RAPGEF6: variants seen among roughly 807,000 people sequenced by gnomAD.
RAPGEF6 encodes PDZ domain containing guanine nucleotide exchange factor (GEF) 2.
Under a neutral mutation model 171.4 loss-of-function variants are expected in RAPGEF6, and 56 were observed. That is an observed-to-expected ratio of 0.33 (90% CI 0.26 to 0.41). The LOEUF (loss-of-function observed/expected upper bound fraction) is 0.41. Among genes scored for constraint, RAPGEF6 ranks in the 10% least tolerant of loss-of-function variants. The probability of loss-of-function intolerance (pLI) is 1.00; values close to 1 mark genes in which losing one functional copy is unlikely to be tolerated. For synonymous variants in RAPGEF6, 692 were observed against 650.1 expected, an observed-to-expected ratio of 1.06 and a Z score of -0.98; for missense variants, 1,674 against 1,921.4, an observed-to-expected ratio of 0.87 and a Z score of 2.41.
chr5:131,583,444 C>T (rs555263331), intron 4 of RAPGEF6, among the ~76,000 whole-genome samples: 72 of 152,336 alleles, frequency 4.7e-4, no homozygotes, highest in Middle Eastern at 3.4e-3. Context: ...AACAATGTCA[C>T]TGAACAGGTC....
intron 5 of RAPGEF6, among the ~76,000 whole-genome samples, chr5:131,548,901 CA>C (rs1760725057): frequency 6.6e-6 from 1 of 151,712 alleles, no homozygotes; most frequent in Non-Finnish European, 1.5e-5. Flanking sequence ...CCCATTTCTA[CA>C]GGGGGAAAAA....
Position 131,442,423 on chromosome 5 carries a change from C to T in RAPGEF6, c.3536G>A (p.Ser1179Asn), listed in dbSNP as rs779419140. Residue 1179 changes from serine to asparagine, a missense_variant, in exon 23 of 28, where the codon AGC becomes AAC. Ser to Asn is a conservative substitution (Grantham distance 46, BLOSUM62 1). This residue lies in a region of RAPGEF6 where 552 missense variants were observed against 574.2 expected (regional missense o/e 0.96). Transcript: ENST00000509018. Reference protein sequence around the residue: ...KAHLHQPHRVSQVLQVPAVNL... With the variant: ...KAHLHQPHRVNQVLQVPAVNL... Reference sequence around the variant, plus strand: ...AACAGCTGGCACCTGAAGCACCTGGCTTACTCTGTGGGGTTGATGCAAGTG... The same window carrying T: ...AACAGCTGGCACCTGAAGCACCTGGTTTACTCTGTGGGGTTGATGCAAGTG... 3 of 1,614,028 alleles carry T rather than the reference C, an allele frequency of 1.9e-6. No homozygotes were observed. In the Admixed American group the frequency reaches 5.0e-5, roughly 27 times the overall value.
intron 1 of RAPGEF6, 70 bp from the exon 2 acceptor site, chr5:131,604,763 T>C: frequency 6.7e-7 from 1 of 1,492,442 alleles, no homozygotes; most frequent in Non-Finnish European, 8.9e-7. Context: ...CACCCCACAA[T>C]TCTGATTTTA....
intron 5 of RAPGEF6, among the ~76,000 whole-genome samples, chr5:131,556,111 AC>A (rs1411222625): frequency 6.6e-6 from 1 of 151,802 alleles, no homozygotes; most frequent in African/African-American, 2.4e-5. Context: ...ATCAGTCATA[AC>A]CAGCAGTGCA....
At chr5:131,515,185 G>A (rs1304235626) in intron 7 of RAPGEF6, among the ~76,000 whole-genome samples, 2 of 152,148 alleles carry the variant, frequency 1.3e-5, no homozygotes, top group Admixed American at 1.3e-4. Flanking sequence ...CAAATTTAGG[G>A]CAAGTGTTAA....
At position 131,548,152 on chromosome 5, in the gene RAPGEF6, T is replaced by C. The variant is rs763262167; in HGVS notation, c.390A>G (p.Gln130=). The C allele has an allele frequency of 6.2e-7, 1 of 1,614,010 alleles. No homozygotes were observed. The highest frequency in any genetic ancestry group is 8.5e-7 in the Non-Finnish European group (1 of 1,179,946). Residue 130 remains glutamine (Q), a synonymous_variant, in exon 6 of 28, where the codon CAA becomes CAG. Coordinates refer to ENST00000509018, the MANE Select transcript of RAPGEF6 (RefSeq NM_016340.6). ...GGGATTGTCTGGCAGGAATTTCTCT[T>C]TGTAGAATACTATCTTCATTATCTT... The part of the protein sequence containing the change: ...NAKDNEDSIL[Q]REIPARQSRR...
At chr5:131,556,401 T>C (rs1376479482) in intron 5 of RAPGEF6, among the ~76,000 whole-genome samples, 1 of 152,090 alleles carries the variant, frequency 6.6e-6, no homozygotes, top group East Asian at 1.9e-4. Context: ...ATCAAGACTC[T>C]GTCTCAAAAA....
intron 1 of RAPGEF6, among the ~76,000 whole-genome samples, chr5:131,606,055 AAAAAG>A (rs1305152614): frequency 7.9e-6 from 1 of 126,546 alleles, no homozygotes; most frequent in African/African-American, 4.3e-5. Context: ...AAAAAAAAAG[AAAAAG>A]AAAAGAAAAG....
At chr5:131,443,797 C>T (rs1028446485) in intron 22 of RAPGEF6, among the ~76,000 whole-genome samples, 1 of 152,190 alleles carries the variant, frequency 6.6e-6, no homozygotes, top group Non-Finnish European at 1.5e-5. Context: ...TTCGTTATTA[C>T]ATCCTTATGT....
intron 4 of RAPGEF6, among the ~76,000 whole-genome samples, chr5:131,577,439 T>C (rs1256212444): frequency 1.3e-5 from 2 of 152,220 alleles, no homozygotes; most frequent in Non-Finnish European, 2.9e-5. Flanking sequence ...AACTTTTATA[T>C]GGATGTACCT....
chr5:131,578,647 A>G (rs1470395945), intron 4 of RAPGEF6, among the ~76,000 whole-genome samples: 1 of 152,126 alleles, frequency 6.6e-6, no homozygotes, highest in Non-Finnish European at 1.5e-5. Flanking sequence ...TTCCAACAAC[A>G]GCTTACTGGA....
intron 6 of RAPGEF6, among the ~76,000 whole-genome samples, chr5:131,527,306 A>C (rs10059188): frequency 0.74 from 112,534 of 151,658 alleles, 41,953 homozygotes; most frequent in Middle Eastern, 0.82. Flanking sequence ...ACAACAACAA[A>C]AAAAAACAGC....
At chr5:131,594,507 G>A (rs1363877320) in intron 3 of RAPGEF6, among the ~76,000 whole-genome samples, 1 of 152,226 alleles carries the variant, frequency 6.6e-6, no homozygotes, top group African/African-American at 2.4e-5. Context: ...TGTGGGGTTG[G>A]AGCCCCCACA....
chr5:131,563,012 G>A (rs1367306877), intron 4 of RAPGEF6, among the ~76,000 whole-genome samples: 3 of 151,472 alleles, frequency 2.0e-5, no homozygotes, highest in Non-Finnish European at 4.4e-5. Flanking sequence ...AGCAACCACA[G>A]AGAAAAAGAT....
intron 5 of RAPGEF6, among the ~76,000 whole-genome samples, chr5:131,552,941 C>A (rs1043280534): frequency 8.5e-5 from 13 of 152,108 alleles, no homozygotes; most frequent in Non-Finnish European, 1.5e-4. Flanking sequence ...CTCCAATATA[C>A]TGAAAGTATT....
In RAPGEF6 at chr5:131,510,774, T is replaced by C. The variant is rs574782008; in HGVS notation, c.628-283A>G. ...ACATCACTAAATGTATTAATATCTG[T>C]TTTCCACCCAACACTTGTATTTCCT... On this transcript the variant is annotated intron_variant, in intron 7 of 27. Transcript: ENST00000509018. Among the ~76,000 whole-genome samples, 7 of 152,286 alleles carry C rather than the reference T, an allele frequency of 4.6e-5. No individual in the cohort carries two copies. In the South Asian group the frequency reaches 1.5e-3, roughly 32 times the overall value.
chr5:131,517,319 A>G (rs1466073291), intron 7 of RAPGEF6, among the ~76,000 whole-genome samples: 3 of 152,024 alleles, frequency 2.0e-5, no homozygotes, highest in African/African-American at 7.2e-5. Context: ...TTTCTGGATA[A>G]GAAGACTCCA....
In RAPGEF6 at chr5:131,548,178, T is replaced by C. The variant is rs767287872; in HGVS notation, c.364A>G (p.Lys122Glu). 4 of 1,613,612 alleles carry C rather than the reference T, an allele frequency of 2.5e-6. No homozygotes were observed. The African/African-American group carries it at 5.3e-5, about 22-fold the overall frequency. The change falls in exon 6 of 28, where the codon AAA (lysine) becomes GAA (glutamate). Residue 122 changes from lysine to glutamate, a missense_variant. Around this residue, in one of 3 missense-constraint regions of RAPGEF6, gnomAD observed 1,116 missense variants for 1,321.5 expected, o/e 0.84. Coordinates refer to ENST00000509018, the MANE Select transcript of RAPGEF6 (RefSeq NM_016340.6). ...TGTAGAATACTATCTTCATTATCTT[T>C]GGCATTCTCTACCTGAAACACATGT... is the stretch of plus-strand genomic sequence containing the variant. ...PSEMIVVENA[K>E]DNEDSILQRE...
At chr5:131,603,477 AAT>A in intron 2 of RAPGEF6, 150 bp from the exon 3 acceptor site, 1 of 575,928 alleles carries the variant, frequency 1.7e-6, no homozygotes, top group Non-Finnish European at 3.1e-6. Context: ...AGAGTTTAGA[AAT>A]ATATGTGTAT....
Sources: gnomAD v4.1 joint callset for allele counts (sites outside exome capture counted in the v4.1 genomes callset) on GRCh38, gnomAD v4.1.1 for gene constraint, gnomAD v4.1.1 regional missense constraint, MANE v1.5 for transcripts, NCBI Gene and HGNC (gene_info 2026-07-23, HGNC 2026-07-21) for gene names.